The following RPGRIP1L variants were observed in gnomAD, a reference collection of about 807,000 sequenced individuals.
RPGRIP1L encodes the protein RPGRIP1 like, also known as protein fantom.
RPGRIP1L carries 131 observed loss-of-function variants against 160.4 expected under a neutral mutation model. That is an observed-to-expected ratio of 0.82 (90% CI 0.71 to 0.94). The LOEUF (loss-of-function observed/expected upper bound fraction) is 0.94. Ranked by LOEUF, RPGRIP1L falls within the 40% of genes least tolerant of loss-of-function variation. RPGRIP1L has a pLI of 0.00. For missense variants in RPGRIP1L, 1,522 were observed against 1,535.8 expected (o/e 0.99, Z 0.15); for synonymous variants, 510 against 515.8 (o/e 0.99, Z 0.15).
chr16:53,673,708 C>A (rs1326079725), intron 7 of RPGRIP1L, among the ~76,000 whole-genome samples: 1 of 152,036 alleles, frequency 6.6e-6, no homozygotes, highest in Non-Finnish European at 1.5e-5. Flanking sequence ...TTTTTTCACT[C>A]ATTTAAATGA....
chr16:53,700,293 CAAAG>C (rs1380401194), intron 2 of RPGRIP1L, among the ~76,000 whole-genome samples: 2 of 152,216 alleles, frequency 1.3e-5, no homozygotes, highest in African/African-American at 2.4e-5. Context: ...AATTTAAACA[CAAAG>C]AAATGTTTTA....
At chr16:53,671,038 A>G (rs1033029738) in intron 9 of RPGRIP1L, among the ~76,000 whole-genome samples, 1 of 152,198 alleles carries the variant, frequency 6.6e-6, no homozygotes, top group African/African-American at 2.4e-5. Flanking sequence ...TTGAGGCTGC[A>G]GTGAGCCATG....
chr16:53,626,161 A>G lies in RPGRIP1L; in HGVS notation c.3295-3805T>C, dbSNP rs1029055337. Among the ~76,000 whole-genome samples, 5 of 151,502 alleles carry G rather than the reference A, an allele frequency of 3.3e-5. No homozygotes were observed. In the East Asian group the frequency reaches 9.6e-4, roughly 29 times the overall value. On this transcript the variant is annotated intron_variant, in intron 22 of 26. Coordinates refer to ENST00000647211, the MANE Select transcript of RPGRIP1L (RefSeq NM_015272.5). ...AATAAATACTAAAAAAAAAAAAAAA[A>G]AAAAAAAGAAAATGGGAAAAAGTCT...
chr16:53,621,956 G>A (rs1964744945), intron 23 of RPGRIP1L, among the ~76,000 whole-genome samples: 1 of 140,992 alleles, frequency 7.1e-6, no homozygotes, highest in Non-Finnish European at 1.5e-5. Flanking sequence ...CCAGGGGGCG[G>A]AGCTTGCAGT....
At chr16:53,620,098 C>G (rs900634936) in intron 23 of RPGRIP1L, among the ~76,000 whole-genome samples, 5 of 151,996 alleles carry the variant, frequency 3.3e-5, no homozygotes, top group African/African-American at 9.7e-5. Context: ...TATATAACTT[C>G]AAATAATAAT....
chr16:53,696,689 C>T (rs1243706888), intron 2 of RPGRIP1L, among the ~76,000 whole-genome samples: 1 of 152,002 alleles, frequency 6.6e-6, no homozygotes. Flanking sequence ...ATTTGGTAAA[C>T]ATAATATAAC....
At chr16:53,661,293 T>A (rs539742168) in intron 10 of RPGRIP1L, among the ~76,000 whole-genome samples, 92 of 149,010 alleles carry the variant, frequency 6.2e-4, no homozygotes, top group Non-Finnish European at 1.1e-3. Flanking sequence ...CGACACTCCA[T>A]TTCAAAAAAA....
chr16:53,686,673 C>A (rs747167217), intron 5 of RPGRIP1L, 97 bp from the exon 6 acceptor site: 4 of 1,302,236 alleles, frequency 3.1e-6, no homozygotes, highest in South Asian at 1.2e-5. Context: ...AAAGAGCAAG[C>A]AGAAGTTAAA....
chr16:53,659,649 G>GAGGC (rs1967596891), intron 10 of RPGRIP1L: 2 of 152,302 alleles, frequency 1.3e-5, no homozygotes, highest in Admixed American at 1.3e-4. Flanking sequence ...TTGGGAGGCT[G>GAGGC]AGGCAGGAGG....
At chr16:53,634,026 T>G (rs1965681342) in intron 22 of RPGRIP1L, among the ~76,000 whole-genome samples, 2 of 152,184 alleles carry the variant, frequency 1.3e-5, no homozygotes, top group African/African-American at 4.8e-5. Flanking sequence ...AATTTATTTC[T>G]CAGAGTTCTG....
intron 2 of RPGRIP1L, among the ~76,000 whole-genome samples, chr16:53,698,298 G>T (rs1277040682): frequency 6.8e-6 from 1 of 146,592 alleles, no homozygotes; most frequent in African/African-American, 2.6e-5. Context: ...CAGGCCAGCC[G>T]CCCCGTCCGG....
chr16:53,605,020 A>T (rs907635151), intron 26 of RPGRIP1L, among the ~76,000 whole-genome samples: 2 of 152,046 alleles, frequency 1.3e-5, no homozygotes, highest in African/African-American at 2.4e-5. Flanking sequence ...TCTATAAAAA[A>T]TACCAAAAAA....
intron 10 of RPGRIP1L, among the ~76,000 whole-genome samples, chr16:53,660,079 C>A (rs1967644964): frequency 6.6e-6 from 1 of 151,950 alleles, no homozygotes; most frequent in Non-Finnish European, 1.5e-5. Flanking sequence ...TTTTTCACTC[C>A]CTGCATTAAA....
rs542060210 is a variant in RPGRIP1L at position 53,601,531 on chromosome 16, G to A, written c.*545C>T. On this transcript the variant is annotated 3_prime_UTR_variant, in exon 27 of 27. Transcript: ENST00000647211. ...AAGAAAATGCATACTGAGCTTTAAT[G>A]TGCATAAAATGGATATTAGCATTTT... 6.4e-6 allele frequency: 1 copy of A among 155,430 alleles called. No homozygotes were observed. Among genetic ancestry groups the A allele is most frequent in the South Asian group, 2.0e-4 (1 of 5,036 alleles). 9.6% of individuals were successfully genotyped at this position (155,430 alleles called of 1,614,324 possible). A position where few individuals can be genotyped will look rare whatever the true frequency, so the allele number is the denominator to read the frequency against.
In RPGRIP1L at chr16:53,651,625, C is replaced by G. The variant is rs191574773; in HGVS notation, c.2152+910G>C. On this transcript the variant is annotated intron_variant, in intron 15 of 26. Transcript: ENST00000647211. ...TTGCCTCTGCCTGAAACATTCTTTC[C>G]CTGGATCCTGGCATGGATCTTCATT... is the stretch of plus-strand genomic sequence containing the variant. Among the ~76,000 whole-genome samples, 4 of 152,228 alleles carry G rather than the reference C, an allele frequency of 2.6e-5. No individual in the cohort carries two copies. In the East Asian group the frequency reaches 7.7e-4, roughly 29 times the overall value.
rs1219686314 is a variant in RPGRIP1L, at chr16:53,599,089, CT to C, written c.*2986del. ...TTTCACAGCTCTTGATGTCAGATTA[CT>C]AAAATAATTTATGTTTTGTTGTGGG... On this transcript the variant is annotated 3_prime_UTR_variant, in exon 27 of 27. Transcript: ENST00000647211. The C allele has an allele frequency of 6.6e-6, 1 of 152,120 alleles. No individual in the cohort carries two copies. Among genetic ancestry groups the C allele is most frequent in the African/African-American group, 2.4e-5 (1 of 41,394 alleles). 9.4% of individuals were successfully genotyped at this position (152,120 alleles called of 1,614,324 possible).
intron 24 of RPGRIP1L, among the ~76,000 whole-genome samples, chr16:53,618,317 T>C (rs955843396): frequency 2.0e-5 from 3 of 152,210 alleles, no homozygotes; most frequent in Non-Finnish European, 2.9e-5. Context: ...ATCCATGTGA[T>C]GACATTGATC....
intron 22 of RPGRIP1L, among the ~76,000 whole-genome samples, chr16:53,625,951 G>A (rs376074967): frequency 2.6e-5 from 4 of 151,618 alleles, no homozygotes; most frequent in Non-Finnish European, 4.4e-5. Context: ...CAGCATGCTC[G>A]TTAAGAGTCA....
intron 17 of RPGRIP1L, 76 bp from the exon 18 acceptor site, chr16:53,641,551 C>T (rs1966225662): frequency 7.8e-7 from 1 of 1,286,096 alleles, no homozygotes; most frequent in Non-Finnish European, 1.1e-6. Context: ...CAAAGAACTA[C>T]TCCCTACTTT....
Sources: allele counts gnomAD v4.1 joint callset (sites outside exome capture counted in the v4.1 genomes callset), GRCh38; gene constraint gnomAD v4.1.1; transcripts MANE v1.5; gene names NCBI Gene and HGNC (gene_info 2026-07-23, HGNC 2026-07-21).